GMDS: variants seen among roughly 807,000 people sequenced by gnomAD.
GMDS encodes the protein GDP-mannose 4,6 dehydratase.
Under a neutral mutation model 49.9 loss-of-function variants are expected in GMDS, and 20 were observed. That is an observed-to-expected ratio of 0.40 (90% CI 0.28 to 0.58). The LOEUF (loss-of-function observed/expected upper bound fraction) is 0.58, where lower values mean the gene tolerates loss of function less well. GMDS is among the 20% of genes least tolerant of loss of function. The pLI, the probability that GMDS is intolerant of heterozygous loss-of-function variation, is 0.42. For synonymous variants in GMDS, 177 were observed against 178.6 expected, an observed-to-expected ratio of 0.99 and a Z score of 0.07; for missense variants, 362 against 481.4, an observed-to-expected ratio of 0.75 and a Z score of 2.32.
At chr6:1,967,489 A>G (rs1463177260) in intron 4 of GMDS, among the ~76,000 whole-genome samples, 2 of 152,248 alleles carry the variant, frequency 1.3e-5, no homozygotes, top group Non-Finnish European at 2.9e-5. Context: ...TACTGAAATA[A>G]AAGGTAAAAT....
At chr6:1,950,453 G>T (rs1476401720) in intron 6 of GMDS, among the ~76,000 whole-genome samples, 3 of 152,154 alleles carry the variant, frequency 2.0e-5, no homozygotes, top group African/African-American at 7.2e-5. Context: ...TCTTGACTTG[G>T]CTCGTGAATC....
At chr6:2,051,320 A>C (rs1359285778) in intron 4 of GMDS, among the ~76,000 whole-genome samples, 1 of 152,188 alleles carries the variant, frequency 6.6e-6, no homozygotes, top group African/African-American at 2.4e-5. Context: ...GTTTGTAGTT[A>C]TTTGGTAGAG....
intron 4 of GMDS, among the ~76,000 whole-genome samples, chr6:2,031,281 T>C (rs1393924749): frequency 6.6e-6 from 1 of 152,168 alleles, no homozygotes; most frequent in Non-Finnish European, 1.5e-5. Flanking sequence ...CTGGGCTTGG[T>C]GCTGGTGATT....
intron 9 of GMDS, among the ~76,000 whole-genome samples, chr6:1,710,748 C>T (rs1156819429): frequency 6.6e-6 from 1 of 152,152 alleles, no homozygotes; most frequent in Non-Finnish European, 1.5e-5. Flanking sequence ...AGCTCAATGT[C>T]CAGGTCCTAA....
At chr6:1,754,074 C>CA (rs1464631721) in intron 7 of GMDS, among the ~76,000 whole-genome samples, 3 of 151,968 alleles carry the variant, frequency 2.0e-5, no homozygotes, top group Non-Finnish European at 2.9e-5. Flanking sequence ...AAAAACCCTT[C>CA]AAAAAATCAA....
intron 9 of GMDS, among the ~76,000 whole-genome samples, chr6:1,647,128 C>T (rs1763510122): frequency 6.6e-6 from 1 of 152,228 alleles, no homozygotes; most frequent in Admixed American, 6.5e-5. Context: ...CATCCCCTCC[C>T]AGAGGAACCA....
At chr6:2,208,992 A>G (rs1464205613) in intron 1 of GMDS, among the ~76,000 whole-genome samples, 6 of 152,342 alleles carry the variant, frequency 3.9e-5, no homozygotes, top group African/African-American at 9.6e-5. Context: ...GCTCAGTTTT[A>G]GAAACCTCTT....
intron 9 of GMDS, among the ~76,000 whole-genome samples, chr6:1,654,481 A>C (rs545357771): frequency 2.6e-5 from 4 of 152,374 alleles, no homozygotes; most frequent in African/African-American, 9.6e-5. Context: ...TCATGCATCG[A>C]CTATGCTGTA....
intron 9 of GMDS, among the ~76,000 whole-genome samples, chr6:1,722,716 C>T (rs1766428449): frequency 6.6e-6 from 1 of 152,216 alleles, no homozygotes; most frequent in East Asian, 1.9e-4. Context: ...AGGTTTCAAA[C>T]TCAGGCAGTT....
intron 7 of GMDS, among the ~76,000 whole-genome samples, chr6:1,905,251 T>C (rs1192962089): frequency 6.6e-6 from 1 of 152,170 alleles, no homozygotes; most frequent in Non-Finnish European, 1.5e-5. Context: ...CTGGCCGGTG[T>C]CATTAGAGGT....
chr6:1,905,530 G>T (rs561649551), intron 7 of GMDS, among the ~76,000 whole-genome samples: 36 of 136,940 alleles, frequency 2.6e-4, no homozygotes, highest in African/African-American at 8.1e-4. Flanking sequence ...GGGTGCTGGC[G>T]TGTAGGTTGG....
chr6:1,920,509 G>T (rs1248907796), intron 7 of GMDS, among the ~76,000 whole-genome samples: 1 of 152,214 alleles, frequency 6.6e-6, no homozygotes, highest in African/African-American at 2.4e-5. Flanking sequence ...GCAAAAGACT[G>T]CCTTGATTGC....
chr6:1,953,375 G>A (rs1763461093), intron 6 of GMDS, among the ~76,000 whole-genome samples: 1 of 152,156 alleles, frequency 6.6e-6, no homozygotes, highest in Non-Finnish European at 1.5e-5. Flanking sequence ...AATAGCTACT[G>A]TCATCAAAAT....
rs549207307 is a variant in GMDS at position 1,635,342 on chromosome 6, GC to G, written c.988-10803del. On this transcript the variant is annotated intron_variant, in intron 9 of 10. Transcript: ENST00000380815. This position sits in a 1 kb window ranked among gnomAD's most constrained non-coding sequence, Gnocchi z 4.7. ...TCCGTGACCCTGGTCCACGGGACAGGCGAGGAAAGGGTTAAGGCAAGCTGTG... is the reference window on the plus strand; with the variant it reads ...TCCGTGACCCTGGTCCACGGGACAGGGAGGAAAGGGTTAAGGCAAGCTGTG... Among the ~76,000 whole-genome samples the G allele has an allele frequency of 1.2e-3, 190 of 152,308 alleles. 1 individual carries two copies. The highest frequency in any genetic ancestry group is 3.3e-3 in the South Asian group (16 of 4,830).
chr6:2,150,513 T>C (rs1776790139), intron 1 of GMDS, among the ~76,000 whole-genome samples: 1 of 152,224 alleles, frequency 6.6e-6, no homozygotes, highest in Non-Finnish European at 1.5e-5. Context: ...GATTCCAGTA[T>C]CAGATTAGCT....
At chr6:2,204,613 G>C (rs1779703374) in intron 1 of GMDS, among the ~76,000 whole-genome samples, 1 of 152,218 alleles carries the variant, frequency 6.6e-6, no homozygotes, top group African/African-American at 2.4e-5. Flanking sequence ...AATTGCATCA[G>C]TCATATTTCA....
chr6:2,127,149 C>T (rs1429616363), intron 1 of GMDS, among the ~76,000 whole-genome samples: 7 of 152,038 alleles, frequency 4.6e-5, no homozygotes, highest in Non-Finnish European at 8.8e-5. Flanking sequence ...CAAGCCAAGT[C>T]GGGCTACACA....
At chr6:2,039,277 G>A (rs187832657) in intron 4 of GMDS, among the ~76,000 whole-genome samples, 133 of 152,244 alleles carry the variant, frequency 8.7e-4, no homozygotes, top group African/African-American at 3.1e-3. Flanking sequence ...CTCTGGGTGA[G>A]AGTGAGTGAG....
intron 1 of GMDS, among the ~76,000 whole-genome samples, chr6:2,224,354 A>T (rs990087039): frequency 6.6e-6 from 1 of 152,196 alleles, no homozygotes; most frequent in Admixed American, 6.5e-5. Context: ...TGTTGCAGGG[A>T]TCCCTAATGC....
Sources: allele counts gnomAD v4.1 joint callset (sites outside exome capture counted in the v4.1 genomes callset), GRCh38; gene constraint gnomAD v4.1.1; non-coding constraint Gnocchi (gnomAD v3.1); transcripts MANE v1.5; gene names NCBI Gene and HGNC (gene_info 2026-07-23, HGNC 2026-07-21).